Variants in CADM2 observed in about 807,000 individuals in gnomAD.
CADM2 encodes immunoglobulin superfamily member 4D.
A neutral mutation model predicts 49.8 loss-of-function variants in CADM2; 12 were observed. That is an observed-to-expected ratio of 0.24 (90% CI 0.15 to 0.39). CADM2 has a LOEUF of 0.39. CADM2 is among the 10% of genes least tolerant of loss of function. CADM2 has a pLI of 1.00. For synonymous variants in CADM2, 214 were observed against 175.4 expected (o/e 1.22, Z -1.74); for missense variants, 378 against 492.3 (o/e 0.77, Z 2.20).
intron 2 of CADM2, among the ~76,000 whole-genome samples, chr3:85,732,867 C>T (rs1258343609): frequency 2.6e-5 from 4 of 152,180 alleles, no homozygotes; most frequent in African/African-American, 9.7e-5. Flanking sequence ...GACATATTAA[C>T]TCCTGAATTC....
chr3:85,727,399 T>C (rs2067746952), intron 2 of CADM2, among the ~76,000 whole-genome samples: 1 of 152,142 alleles, frequency 6.6e-6, no homozygotes, highest in African/African-American at 2.4e-5. Context: ...AATATTGTCA[T>C]AGCAATGTAT....
intron 1 of CADM2, among the ~76,000 whole-genome samples, chr3:85,338,976 A>T (rs539781221): frequency 6.6e-6 from 1 of 151,528 alleles, no homozygotes; most frequent in African/African-American, 2.4e-5. Flanking sequence ...ATAAAACTAG[A>T]TTGAGACCAT....
chr3:85,132,053 T>G (rs938849171), intron 1 of CADM2, among the ~76,000 whole-genome samples: 1 of 152,196 alleles, frequency 6.6e-6, no homozygotes, highest in African/African-American at 2.4e-5. Context: ...TCTTAAGAGA[T>G]ATTATTTGTG....
At chr3:85,773,073 T>A (rs1249565821) in intron 2 of CADM2, among the ~76,000 whole-genome samples, 1 of 152,014 alleles carries the variant, frequency 6.6e-6, no homozygotes, top group South Asian at 2.1e-4. Context: ...CTTGTTCGCA[T>A]ATTGATCCCA....
intron 1 of CADM2, among the ~76,000 whole-genome samples, chr3:85,298,558 T>C (rs2044021549): frequency 1.3e-5 from 2 of 152,070 alleles, no homozygotes; most frequent in South Asian, 2.1e-4. Context: ...CAGGAATGGA[T>C]TGAGAAAGGT....
rs1488612395 is a variant in CADM2 at position 85,802,053 on chromosome 3, A to G, written c.95A>G (p.Gln32Arg). 1 of 1,608,752 alleles carries G rather than the reference A, an allele frequency of 6.2e-7. No individual in the cohort carries two copies. The highest frequency in any genetic ancestry group is 1.1e-5 in the South Asian group (1 of 90,020). The change falls in exon 3 of 10, where the codon CAA (glutamine) becomes CGA (arginine). Residue 32 changes from glutamine (Q) to arginine (R), a missense_variant. Transcript: ENST00000383699. ...AASKNKVKGS[Q>R]GQFPLTQNVT... ...TTCTTTAATCCCCTTTTAGGCAGCC[A>G]AGGGCAGTTTCCACTAACACAGAAT...
chr3:85,841,789 T>G (rs1013826832), intron 3 of CADM2, among the ~76,000 whole-genome samples: 1 of 152,070 alleles, frequency 6.6e-6, no homozygotes, highest in Non-Finnish European at 1.5e-5. Flanking sequence ...ATTCTTTGTT[T>G]AATATTTAAT....
intron 1 of CADM2, among the ~76,000 whole-genome samples, chr3:85,157,336 C>T (rs1199670210): frequency 6.6e-6 from 1 of 151,190 alleles, no homozygotes; most frequent in Non-Finnish European, 1.5e-5. Context: ...TTGGAAAAAA[C>T]TACTTTAAAG....
intron 1 of CADM2, among the ~76,000 whole-genome samples, chr3:85,651,457 A>G (rs1190740297): frequency 1.3e-5 from 2 of 152,184 alleles, no homozygotes; most frequent in African/African-American, 4.8e-5. Flanking sequence ...ATATGAAGAC[A>G]TGGTCAGTTA....
At chr3:84,999,713 C>T (rs1000286137) in intron 1 of CADM2, among the ~76,000 whole-genome samples, 2 of 152,120 alleles carry the variant, frequency 1.3e-5, no homozygotes, top group African/African-American at 4.8e-5. Flanking sequence ...CACATGTCGG[C>T]AAATGACCAT....
intron 1 of CADM2, among the ~76,000 whole-genome samples, chr3:85,671,408 C>A (rs2107634498): frequency 6.6e-6 from 1 of 152,252 alleles, no homozygotes; most frequent in East Asian, 1.9e-4. Flanking sequence ...TGTTTTCCAA[C>A]AGTATATTAA....
chr3:85,132,720 C>T (rs1300163762), intron 1 of CADM2, among the ~76,000 whole-genome samples: 2 of 152,036 alleles, frequency 1.3e-5, no homozygotes, highest in African/African-American at 2.4e-5. Context: ...ATCATTTAGA[C>T]ATGTTCTGTC....
chr3:86,010,478 A>G (rs1731360362), intron 8 of CADM2, among the ~76,000 whole-genome samples: 1 of 151,498 alleles, frequency 6.6e-6, no homozygotes, highest in Admixed American at 6.6e-5. Flanking sequence ...TAATGGCAAT[A>G]TAATGAATAT....
At chr3:85,366,535 G>A (rs2032798442) in intron 1 of CADM2, among the ~76,000 whole-genome samples, 1 of 152,100 alleles carries the variant, frequency 6.6e-6, no homozygotes, top group Non-Finnish European at 1.5e-5. Flanking sequence ...TCTTTGAAAG[G>A]AGAGATTTTT....
intron 1 of CADM2, among the ~76,000 whole-genome samples, chr3:85,498,175 T>G: frequency 6.6e-6 from 1 of 151,656 alleles, no homozygotes; most frequent in South Asian, 2.1e-4. Flanking sequence ...TGCCAAGTTT[T>G]TTTTTTTTTT....
chr3:86,017,881 TA>T (rs1185925916), intron 8 of CADM2, among the ~76,000 whole-genome samples: 1 of 149,470 alleles, frequency 6.7e-6, no homozygotes, highest in Non-Finnish European at 1.5e-5. Context: ...TTATTTTTAT[TA>T]TTTTTTTATT....
At chr3:86,046,276 A>G (rs1736671801) in intron 8 of CADM2, among the ~76,000 whole-genome samples, 1 of 152,094 alleles carries the variant, frequency 6.6e-6, no homozygotes, top group South Asian at 2.1e-4. Flanking sequence ...ATTTTTCTAA[A>G]ATTTAGAAGT....
chr3:85,723,634 T>C (rs1199467792), intron 1 of CADM2, among the ~76,000 whole-genome samples: 1 of 152,128 alleles, frequency 6.6e-6, no homozygotes, highest in African/African-American at 2.4e-5. Flanking sequence ...TCTATGTTGG[T>C]ACCTGCCCAA....
chr3:85,943,109 G>GT (rs1449323135), intron 7 of CADM2, among the ~76,000 whole-genome samples: 2 of 151,784 alleles, frequency 1.3e-5, no homozygotes, highest in East Asian at 3.9e-4. Flanking sequence ...TTTTTCATGT[G>GT]TTTTTTGGCT....
Sources: gnomAD v4.1 joint callset for allele counts (sites outside exome capture counted in the v4.1 genomes callset) on GRCh38, gnomAD v4.1.1 for gene constraint, MANE v1.5 for transcripts, NCBI Gene and HGNC (gene_info 2026-07-23, HGNC 2026-07-21) for gene names.